The following MLIP variants were observed in gnomAD, a reference collection of about 807,000 sequenced individuals.
The protein encoded by MLIP is muscular LMNA interacting protein.
MLIP carries 79 observed loss-of-function variants against 84.8 expected under a neutral mutation model. That is an observed-to-expected ratio of 0.93 (90% CI 0.78 to 1.12). The LOEUF (loss-of-function observed/expected upper bound fraction) is 1.12, where lower values mean the gene tolerates loss of function less well. Ranked by LOEUF, MLIP falls within the 50% of genes most tolerant of loss-of-function variation. The pLI is 0.00. For synonymous variants in MLIP, 504 were observed against 463.0 expected (o/e 1.09, Z -1.14); for missense variants, 1,257 against 1,160.6 (o/e 1.08, Z -1.21).
At chr6:54,193,838 C>G (rs1237690986) in intron 10 of MLIP, among the ~76,000 whole-genome samples, 3 of 152,116 alleles carry the variant, frequency 2.0e-5, no homozygotes, top group African/African-American at 7.2e-5. Context: ...AGCTGTTGAG[C>G]TGAATCATCA....
At chr6:54,215,279 G>A (rs1449085093) in intron 11 of MLIP, 3 of 1,477,842 alleles carry the variant, frequency 2.0e-6, no homozygotes, top group Non-Finnish European at 1.8e-6. Context: ...AGAAAAAGAC[G>A]ATGATAGAAT....
chr6:54,203,348 A>G (rs1006084876), intron 11 of MLIP, among the ~76,000 whole-genome samples: 1 of 152,140 alleles, frequency 6.6e-6, no homozygotes, highest in Non-Finnish European at 1.5e-5. Flanking sequence ...TACAGTCAGG[A>G]CATGTAAGAT....
At chr6:54,189,109 G>A (rs1162361325) in intron 9 of MLIP, among the ~76,000 whole-genome samples, 1 of 152,194 alleles carries the variant, frequency 6.6e-6, no homozygotes, top group African/African-American at 2.4e-5. Flanking sequence ...AAACTAGGGA[G>A]CAGGGGGAAA....
At chr6:54,217,290 A>G in intron 11 of MLIP, 1 of 985,420 alleles carries the variant, frequency 1.0e-6, no homozygotes, top group Non-Finnish European at 1.2e-6. Context: ...CCAGGATGGA[A>G]CAAAAGCATT....
chr6:54,146,682 C>A (rs1057116473), intron 4 of MLIP, among the ~76,000 whole-genome samples: 4 of 152,164 alleles, frequency 2.6e-5, no homozygotes, highest in African/African-American at 4.8e-5. Context: ...GGAGTTGAAC[C>A]AAATGACCTT....
At chr6:54,111,997 A>C (rs1417291203) in intron 1 of MLIP, among the ~76,000 whole-genome samples, 1 of 152,254 alleles carries the variant, frequency 6.6e-6, no homozygotes, top group Non-Finnish European at 1.5e-5. Context: ...TCCGGTGAGA[A>C]GATGACGTTC....
intron 5 of MLIP, among the ~76,000 whole-genome samples, chr6:54,157,703 G>A (rs529102937): frequency 2.4e-4 from 37 of 152,150 alleles, no homozygotes; most frequent in Admixed American, 5.2e-4. Context: ...CTTTAACAAG[G>A]TGAACAGGAG....
chr6:54,081,913 G>A (rs1220512931), intron 1 of MLIP, among the ~76,000 whole-genome samples: 2 of 152,020 alleles, frequency 1.3e-5, no homozygotes, highest in African/African-American at 4.8e-5. Context: ...TCAGACATAT[G>A]ACCAAGACAA....
intron 1 of MLIP, chr6:54,031,584 A>G (rs1354728873): frequency 6.6e-6 from 1 of 152,160 alleles, no homozygotes; most frequent in Non-Finnish European, 1.5e-5. Flanking sequence ...GGGGATCCCA[A>G]GCTAAGTCTA....
At chr6:54,024,254 C>T (rs900965685) in intron 1 of MLIP, among the ~76,000 whole-genome samples, 2 of 152,220 alleles carry the variant, frequency 1.3e-5, no homozygotes, top group African/African-American at 4.8e-5. Context: ...TCAGGTAATT[C>T]GCCCACCTTA....
intron 11 of MLIP, chr6:54,217,528 A>T: frequency 1.0e-6 from 1 of 985,278 alleles, no homozygotes; most frequent in Non-Finnish European, 1.2e-6. Flanking sequence ...TTTGTCTGCT[A>T]ATTTTTCTTT....
At chr6:54,200,087 T>C (rs998738102) in intron 10 of MLIP, among the ~76,000 whole-genome samples, 35 of 152,222 alleles carry the variant, frequency 2.3e-4, no homozygotes, top group African/African-American at 7.7e-4. Flanking sequence ...GAAGCATCAG[T>C]AACAGACTCT....
chr6:54,264,953 C>T (rs1331161907), intron 13 of MLIP, among the ~76,000 whole-genome samples: 1 of 152,064 alleles, frequency 6.6e-6, no homozygotes, highest in Non-Finnish European at 1.5e-5. Flanking sequence ...ATTCACAATC[C>T]TGTTTAGCTG....
chr6:54,212,953 C>G (rs547064197), intron 11 of MLIP, among the ~76,000 whole-genome samples: 3 of 152,256 alleles, frequency 2.0e-5, no homozygotes, highest in East Asian at 3.9e-4. Flanking sequence ...AGAAGGCTAA[C>G]TAGGCAACCT....
intron 9 of MLIP, among the ~76,000 whole-genome samples, chr6:54,178,511 A>G (rs190499277): frequency 6.6e-6 from 1 of 151,858 alleles, no homozygotes; most frequent in East Asian, 1.9e-4. Context: ...AGGTTATTCA[A>G]AGTTTGTTTT....
In MLIP at chr6:54,138,995, C is replaced by T. The variant is rs189118072; in HGVS notation, c.2217+709C>T. Among the ~76,000 whole-genome samples, 818 of 152,278 alleles carry T rather than the reference C, an allele frequency of 5.4e-3. 1 individual carries two copies. The highest frequency in any genetic ancestry group is 7.9e-3 in the Non-Finnish European group (534 of 68,022). On this transcript the variant is annotated intron_variant, in intron 4 of 13. Coordinates refer to ENST00000502396, the MANE Select transcript of MLIP (RefSeq NM_001281747.2). ...CCATGGAGAGTATGTTTCACTGTCA[C>T]TTTTCAGATGATGAATGTCACGTTG...
At chr6:54,083,380 C>T in intron 1 of MLIP, 2 of 1,170,632 alleles carry the variant, frequency 1.7e-6, no homozygotes, top group African/African-American at 1.5e-5. Context: ...AGATGCATTG[C>T]TATTTCCAGT....
At chr6:54,243,614 A>C (rs9349700) in intron 12 of MLIP, among the ~76,000 whole-genome samples, 24,276 of 152,178 alleles carry the variant, frequency 0.16, 2,438 homozygotes, top group African/African-American at 0.28. Context: ...CATATGAAGA[A>C]ACTGAGGCTC....
At chr6:54,146,486 T>C (rs1009563662) in intron 4 of MLIP, among the ~76,000 whole-genome samples, 2 of 152,192 alleles carry the variant, frequency 1.3e-5, no homozygotes, top group African/African-American at 4.8e-5. Flanking sequence ...GCTCTTGGCA[T>C]GAGCCATGAT....
Sources: gnomAD v4.1 joint callset for allele counts (sites outside exome capture counted in the v4.1 genomes callset) on GRCh38, gnomAD v4.1.1 for gene constraint, MANE v1.5 for transcripts, NCBI Gene and HGNC (gene_info 2026-07-23, HGNC 2026-07-21) for gene names.